The following MAMDC2 variants were observed in gnomAD, a reference collection of about 807,000 sequenced individuals.
The protein encoded by MAMDC2 is MAM domain containing 2, also known as MAM domain-containing protein 2.
Under a neutral mutation model 89.8 loss-of-function variants are expected in MAMDC2, and 57 were observed. The observed-to-expected ratio is 0.63, with a 90% CI of 0.51 to 0.79. MAMDC2 has a LOEUF of 0.79. Among genes scored for constraint, MAMDC2 ranks in the 30% least tolerant of loss-of-function variants. MAMDC2 has a pLI of 0.00. For synonymous variants in MAMDC2, 313 were observed against 293.4 expected (o/e 1.07, Z -0.68); for missense variants, 800 against 820.6 (o/e 0.97, Z 0.31).
chr9:70,204,517 G>C (rs2118642347), intron 11 of MAMDC2, among the ~76,000 whole-genome samples: 1 of 149,448 alleles, frequency 6.7e-6, no homozygotes, highest in Middle Eastern at 3.6e-3. Flanking sequence ...TTGTTTGTCT[G>C]TGCCCTGCCC....
intron 12 of MAMDC2, 43 bp downstream of exon 12, chr9:70,218,639 G>A: frequency 6.5e-7 from 1 of 1,528,098 alleles, no homozygotes; most frequent in Non-Finnish European, 8.8e-7. Context: ...AAAACGTGTA[G>A]GAGCTTCTGA....
intron 8 of MAMDC2, 91 bp downstream of exon 8, chr9:70,140,379 T>TA: frequency 2.2e-6 from 3 of 1,381,004 alleles, no homozygotes; most frequent in Non-Finnish European, 2.9e-6. Context: ...GACATCGACT[T>TA]AAAGAAAAAA....
At chr9:70,196,468 A>T (rs1231418602) in intron 11 of MAMDC2, among the ~76,000 whole-genome samples, 1 of 152,146 alleles carries the variant, frequency 6.6e-6, no homozygotes, top group Non-Finnish European at 1.5e-5. Context: ...AACAGAAAGC[A>T]TTGAGACTAC....
intron 11 of MAMDC2, among the ~76,000 whole-genome samples, chr9:70,202,911 G>C (rs1015284131): frequency 6.7e-6 from 1 of 149,316 alleles, no homozygotes; most frequent in African/African-American, 2.5e-5. Context: ...TTGCTTGGTA[G>C]ATCTTCCTCC....
At chr9:70,091,347 T>A (rs867106294) in intron 2 of MAMDC2, among the ~76,000 whole-genome samples, 22 of 152,188 alleles carry the variant, frequency 1.4e-4, no homozygotes, top group African/African-American at 4.1e-4. Context: ...TGCAAAGCCT[T>A]CAGGAAGACC....
chr9:70,180,096 G>A (rs750928459), intron 11 of MAMDC2, among the ~76,000 whole-genome samples: 6 of 150,422 alleles, frequency 4.0e-5, no homozygotes, highest in Non-Finnish European at 8.8e-5. Context: ...TCCCACTTAT[G>A]AGTGAGAACA....
chr9:70,125,384 C>T (rs950353864), intron 5 of MAMDC2, among the ~76,000 whole-genome samples: 2 of 152,194 alleles, frequency 1.3e-5, no homozygotes, highest in Non-Finnish European at 1.5e-5. Context: ...GAAACTTGTT[C>T]AAGGTCACAG....
chr9:70,159,878 T>C (rs1330260510), intron 9 of MAMDC2, among the ~76,000 whole-genome samples: 1 of 152,164 alleles, frequency 6.6e-6, no homozygotes, highest in African/African-American at 2.4e-5. Context: ...GCACTGATTT[T>C]TTTTACACAA....
chr9:70,226,175 C>A lies in MAMDC2; in HGVS notation c.*143C>A. 1 of 495,354 alleles carries A rather than the reference C, an allele frequency of 2.0e-6. No homozygotes were observed. Among genetic ancestry groups the A allele is most frequent in the Non-Finnish European group, 3.6e-6 (1 of 278,926 alleles). The allele number at this position is 495,354 out of a possible 1,614,324, so 30.7% of individuals were successfully genotyped here. A position where few individuals can be genotyped will look rare whatever the true frequency, so the allele number is the denominator to read the frequency against. ...AGAGCACCCTCCTTCATTACTTTTG[C>A]AAAAACATACTGACTCAGGGCTCTT... On this transcript the variant is annotated 3_prime_UTR_variant, in exon 14 of 14. Transcript: ENST00000377182.
chr9:70,210,590 T>C (rs985775967), intron 11 of MAMDC2, among the ~76,000 whole-genome samples: 3 of 152,228 alleles, frequency 2.0e-5, no homozygotes, highest in Non-Finnish European at 4.4e-5. Context: ...TTTATCCAAG[T>C]TGCCAGTCTG....
At chr9:70,101,710 T>C (rs1409030375) in intron 2 of MAMDC2, among the ~76,000 whole-genome samples, 1 of 152,222 alleles carries the variant, frequency 6.6e-6, no homozygotes, top group Non-Finnish European at 1.5e-5. Flanking sequence ...TCTAGGTTCA[T>C]GAAGTACACT....
intron 2 of MAMDC2, among the ~76,000 whole-genome samples, chr9:70,051,191 C>T (rs753040399): frequency 6.6e-6 from 1 of 152,172 alleles, no homozygotes; most frequent in African/African-American, 2.4e-5. Flanking sequence ...GTGGTAATAT[C>T]TGCCTGCTAA....
chr9:70,104,600 T>C (rs1309909690), intron 2 of MAMDC2, among the ~76,000 whole-genome samples: 1 of 152,222 alleles, frequency 6.6e-6, no homozygotes, highest in Non-Finnish European at 1.5e-5. Context: ...AAATAGAATA[T>C]TAGCCCCCAA....
chr9:70,211,335 T>G (rs2033350220), intron 11 of MAMDC2, among the ~76,000 whole-genome samples: 1 of 152,164 alleles, frequency 6.6e-6, no homozygotes, highest in Non-Finnish European at 1.5e-5. Context: ...TTTTCACTCT[T>G]TTTTTCTCTA....
chr9:70,099,795 T>C (rs1323913141), intron 2 of MAMDC2, among the ~76,000 whole-genome samples: 3 of 151,882 alleles, frequency 2.0e-5, no homozygotes, highest in African/African-American at 7.3e-5. Flanking sequence ...GCCAACATGG[T>C]GAAACCTCAT....
At chr9:70,079,035 A>T (rs765380590) in intron 2 of MAMDC2, among the ~76,000 whole-genome samples, 1 of 151,956 alleles carries the variant, frequency 6.6e-6, no homozygotes, top group Non-Finnish European at 1.5e-5. Flanking sequence ...GAATCCCAAG[A>T]CCTCAGGGTT....
chr9:70,179,217 C>T (rs2032577579), intron 11 of MAMDC2, among the ~76,000 whole-genome samples: 1 of 151,948 alleles, frequency 6.6e-6, no homozygotes, highest in African/African-American at 2.4e-5. Flanking sequence ...CATAACAATA[C>T]TAAAATGAGG....
intron 12 of MAMDC2, among the ~76,000 whole-genome samples, chr9:70,223,017 T>C (rs957568461): frequency 3.3e-5 from 5 of 151,602 alleles, no homozygotes; most frequent in African/African-American, 1.2e-4. Flanking sequence ...TGCATGCCTG[T>C]AGCCCCAGCT....
At chr9:70,225,256 G>C (rs1234794174) in intron 12 of MAMDC2, among the ~76,000 whole-genome samples, 1 of 152,002 alleles carries the variant, frequency 6.6e-6, no homozygotes, top group African/African-American at 2.4e-5. Flanking sequence ...CATTATCTTT[G>C]GTAAACTTCA....
Sources: allele counts gnomAD v4.1 joint callset (sites outside exome capture counted in the v4.1 genomes callset), GRCh38; gene constraint gnomAD v4.1.1; transcripts MANE v1.5; gene names NCBI Gene and HGNC (gene_info 2026-07-23, HGNC 2026-07-21).